The following TTC16 variants were observed in gnomAD, a reference collection of about 807,000 sequenced individuals.
The protein encoded by TTC16 is tetratricopeptide repeat domain 16.
Under a neutral mutation model 80.4 loss-of-function variants are expected in TTC16, and 66 were observed. The observed-to-expected ratio is 0.82, with a 90% CI of 0.67 to 1.01. The LOEUF is 1.01. TTC16 is among the 50% of genes least tolerant of loss of function. The pLI is 0.00. For synonymous variants in TTC16, 438 were observed against 451.3 expected (o/e 0.97, Z 0.37); for missense variants, 1,070 against 1,103.2 (o/e 0.97, Z 0.43).
At chr9:127,729,272 G>T in intron 12 of TTC16, 1 of 317,440 alleles carries the variant, frequency 3.2e-6, no homozygotes, top group Admixed American at 4.6e-5. Context: ...CCAGGGCACA[G>T]CCCTTTACAA....
At chr9:127,725,198 AG>A (rs1843835652) in intron 9 of TTC16, among the ~76,000 whole-genome samples, 1 of 151,404 alleles carries the variant, frequency 6.6e-6, no homozygotes, top group South Asian at 2.1e-4. Flanking sequence ...CCCTTGAGCC[AG>A]GGAGGCGGAG....
chr9:127,724,966 C>T, intron 9 of TTC16, 69 bp downstream of exon 9: 1 of 1,424,888 alleles, frequency 7.0e-7, no homozygotes, highest in Non-Finnish European at 9.2e-7. Flanking sequence ...AGGCCAACTG[C>T]TGGGATCCCT....
At position 127,731,054 on chromosome 9, in the gene TTC16, G is replaced by A; in HGVS notation, c.2271G>A (p.Gln757=). The A allele has an allele frequency of 3.1e-6, 5 of 1,612,782 alleles. No individual in the cohort carries two copies. The highest frequency in any genetic ancestry group is 1.3e-5 in the African/African-American group (1 of 75,030). The change falls in exon 14 of 14, where the codon CAG becomes CAA. Residue 757 remains glutamine, a synonymous_variant. Coordinates refer to ENST00000373289, the MANE Select transcript of TTC16 (RefSeq NM_144965.3). Reference sequence around the variant, plus strand: ...TTGAGGCCACCCAGGGCCCAAGGCAGGAGCCCAGCAAGACCAAGACCACCC... The same window carrying A: ...TTGAGGCCACCCAGGGCCCAAGGCAAGAGCCCAGCAAGACCAAGACCACCC... The part of the protein sequence containing the change: ...SEIEATQGPR[Q]EPSKTKTTRS...
Position 127,724,115 on chromosome 9 carries a change from G to T in TTC16, c.873-5G>T. 3.2e-6 allele frequency: 5 copies of T among 1,567,580 alleles called. No individual in the cohort carries two copies. Among genetic ancestry groups the T allele is most frequent in the Non-Finnish European group, 4.3e-6 (5 of 1,156,794 alleles). On this transcript the variant is annotated splice_region_variant and splice_polypyrimidine_tract_variant and intron_variant, in intron 7 of 13. Coordinates refer to ENST00000373289, the MANE Select transcript of TTC16 (RefSeq NM_144965.3). The stretch of plus-strand genomic sequence containing the variant: ...TCCTGCCGTCTCCCACGCCCCCCCC[G>T]ACAGGGGCACCATGTACCGACGGCT...
At chr9:127,725,896 G>A (rs1372433679) in intron 9 of TTC16, among the ~76,000 whole-genome samples, 2 of 152,214 alleles carry the variant, frequency 1.3e-5, no homozygotes, top group African/African-American at 2.4e-5. Context: ...CACCATGCCC[G>A]GCCTATACTG....
chr9:127,726,920 G>A lies in TTC16; in HGVS notation c.1426-50G>A. ...GGGTCAGGGCAGCATCGTGCTGTCTGTCTGCTGCTCTGGCCCTCACCTGGC... is the reference window on the plus strand; with the variant it reads ...GGGTCAGGGCAGCATCGTGCTGTCTATCTGCTGCTCTGGCCCTCACCTGGC... On this transcript the variant is annotated intron_variant, in intron 10 of 13. Transcript: ENST00000373289. The A allele has an allele frequency of 3.7e-6, 6 of 1,610,568 alleles. 1 individual carries two copies. The highest frequency in any genetic ancestry group is 5.1e-6 in the Non-Finnish European group (6 of 1,178,692).
Position 127,730,969 on chromosome 9 carries a change from A to T in TTC16, c.2186A>T (p.Gln729Leu), listed in dbSNP as rs755803859. 2.5e-6 allele frequency: 4 copies of T among 1,613,004 alleles called. No individual in the cohort carries two copies. Among genetic ancestry groups the T allele is most frequent in the Non-Finnish European group, 3.4e-6 (4 of 1,179,812 alleles). ...AGCAAGACCAGGGCCACCCAGGGCC[A>T]GGGGCAGAGCTCCAGCAAGACTGAG... is the stretch of plus-strand genomic sequence containing the variant. ...NSSKTRATQG[Q>L]GQSSSKTEAT... The change falls in exon 14 of 14, where the codon CAG becomes CTG. Residue 729 changes from glutamine (Q) to leucine (L), a missense_variant. Coordinates refer to ENST00000373289, the MANE Select transcript of TTC16 (RefSeq NM_144965.3).
At chr9:127,730,559 T>A (rs1306358725) in intron 13 of TTC16, 77 bp from the exon 14 acceptor site, 1 of 1,543,288 alleles carries the variant, frequency 6.5e-7, no homozygotes, top group Admixed American at 1.9e-5. Context: ...AGTGTGAGAT[T>A]GGGAAGCCCC....
At chr9:127,729,300 C>T in intron 12 of TTC16, 1 of 395,122 alleles carries the variant, frequency 2.5e-6, no homozygotes, top group Non-Finnish European at 4.7e-6. Context: ...AAGCCTGTTC[C>T]ACACCTGAAC....
At chr9:127,724,559 C>CA in intron 8 of TTC16, 195 bp downstream of exon 8, 1 of 1,082,664 alleles carries the variant, frequency 9.2e-7, no homozygotes, top group Non-Finnish European at 1.3e-6. Context: ...AAACTGGCTC[C>CA]AGACTCCTTA....
At chr9:127,727,530 G>A in intron 12 of TTC16, 65 bp downstream of exon 12, 1 of 1,528,494 alleles carries the variant, frequency 6.5e-7, no homozygotes, top group Non-Finnish European at 8.8e-7. Context: ...CCCCAGCCCA[G>A]GGCTGAAGGA....
rs1278703099 is a variant in TTC16 at position 127,717,777 on chromosome 9, C to T, written c.426+5C>T. On this transcript the variant is annotated splice_donor_5th_base_variant and intron_variant, in intron 4 of 13. Coordinates refer to ENST00000373289, the MANE Select transcript of TTC16 (RefSeq NM_144965.3). ...ACCTTTGTGCTCTACCTACAGGTGC[C>T]TGGGGCCTCCCGGGCCCATGCAGGG... 1 of 1,611,316 alleles carries T rather than the reference C, an allele frequency of 6.2e-7. No individual in the cohort carries two copies. Among genetic ancestry groups the T allele is most frequent in the Non-Finnish European group, 8.5e-7 (1 of 1,179,104 alleles).
At position 127,727,332 on chromosome 9, in the gene TTC16, A is replaced by G. The variant is rs534598690; in HGVS notation, c.1631A>G (p.Gln544Arg). Residue 544 changes from glutamine to arginine, a missense_variant, in exon 12 of 14, where the codon CAG becomes CGG. Gln to Arg is a conservative substitution (Grantham distance 43). Coordinates refer to ENST00000373289, the MANE Select transcript of TTC16 (RefSeq NM_144965.3). ...KALALQHSWK[Q>R]GEPLIATSEE... The stretch of plus-strand genomic sequence containing the variant: ...TTGGCCCTGCAGCACTCATGGAAGC[A>G]GGGGGAGCCTTTGATTGCGACCTCC... 6.2e-6 allele frequency: 10 copies of G among 1,603,358 alleles called. No individual in the cohort carries two copies. The East Asian group carries it at 2.0e-4, about 32-fold the overall frequency.
chr9:127,717,259 C>T (rs1564375694), intron 2 of TTC16, 75 bp from the exon 3 acceptor site: 6 of 1,476,716 alleles, frequency 4.1e-6, no homozygotes, highest in South Asian at 1.2e-5. Context: ...TTCCCACAAC[C>T]CCCACCCCAG....
At position 127,727,256 on chromosome 9, in the gene TTC16, G is replaced by A. The variant is rs1211518072; in HGVS notation, c.1569-14G>A. ...CAGGGAGACTGACAATACCTGGGGG[G>A]TATCGTTTGGCAGGATGCTTAAACG... On this transcript the variant is annotated splice_polypyrimidine_tract_variant and intron_variant, in intron 11 of 13. Transcript: ENST00000373289. 8 of 1,546,530 alleles carry A rather than the reference G, an allele frequency of 5.2e-6. No homozygotes were observed. In the South Asian group the frequency reaches 7.4e-5, roughly 14 times the overall value.
At chr9:127,724,411 C>T (rs1461837636) in intron 8 of TTC16, 47 bp downstream of exon 8, 5 of 1,602,174 alleles carry the variant, frequency 3.1e-6, no homozygotes, top group South Asian at 2.2e-5. Flanking sequence ...GGGGGAGCCT[C>T]GCCATCTCTA....
At position 127,717,328 on chromosome 9, in the gene TTC16, C is replaced by A; in HGVS notation, c.192-6C>A. On this transcript the variant is annotated splice_polypyrimidine_tract_variant and splice_region_variant and intron_variant, in intron 2 of 13. Coordinates refer to ENST00000373289, the MANE Select transcript of TTC16 (RefSeq NM_144965.3). ...ACCCCTCTGCCTGTCCCCACTTTCC[C>A]CACAGCTACTCCAGAGGCCAGCAGT... The A allele has an allele frequency of 6.2e-7, 1 of 1,608,862 alleles. No individual in the cohort carries two copies. The highest frequency in any genetic ancestry group is 8.5e-7 in the Non-Finnish European group (1 of 1,179,960).
Position 127,731,370 on chromosome 9 carries a change from G to A in TTC16, c.2587G>A (p.Val863Ile). ...GPSPSLSKTE[V>I]DQDLTYYEAV ...CAGCCCAAGTCTCAGCAAAACTGAG[G>A]TTGATCAGGACCTCACCTACTATGA... is the stretch of plus-strand genomic sequence containing the variant. Residue 863 changes from valine to isoleucine, a missense_variant, in exon 14 of 14, where the codon GTT becomes ATT. By Grantham distance (29) the Val-to-Ile change is conservative. Transcript: ENST00000373289. 3 of 1,612,902 alleles carry A rather than the reference G, an allele frequency of 1.9e-6. No individual in the cohort carries two copies. The highest frequency in any genetic ancestry group is 8.5e-7 in the Non-Finnish European group (1 of 1,180,016).
Position 127,731,219 on chromosome 9 carries a change from C to G in TTC16, c.2436C>G (p.Asn812Lys). 1.9e-6 allele frequency: 3 copies of G among 1,612,968 alleles called. No individual in the cohort carries two copies. The highest frequency in any genetic ancestry group is 2.5e-6 in the Non-Finnish European group (3 of 1,179,908). The change falls in exon 14 of 14, where the codon AAC (asparagine) becomes AAG (lysine). Residue 812 changes from asparagine (N) to lysine (K), a missense_variant. Physicochemically the swap from Asn to Lys is moderately conservative, Grantham distance 94 (BLOSUM62 0). Coordinates refer to ENST00000373289, the MANE Select transcript of TTC16 (RefSeq NM_144965.3). ...AGACTGAGGCTTTCTATGACTCAAA[C>G]TGGAGCCTCAGCAAAACTGAGTATG... ...STKTEAFYDS[N>K]WSLSKTEYAQ...
Sources: gnomAD v4.1 joint callset for allele counts (sites outside exome capture counted in the v4.1 genomes callset) on GRCh38, gnomAD v4.1.1 for gene constraint, MANE v1.5 for transcripts, NCBI Gene and HGNC (gene_info 2026-07-23, HGNC 2026-07-21) for gene names.